STON1: variants seen among roughly 807,000 people sequenced by gnomAD.
STON1 encodes stonin-1.
Under a neutral mutation model 60.9 loss-of-function variants are expected in STON1, and 79 were observed. The observed-to-expected ratio is 1.30, with a 90% CI of 1.08 to 1.56. The LOEUF (loss-of-function observed/expected upper bound fraction) is 1.56, where lower values mean the gene tolerates loss of function less well. Among genes scored for constraint, STON1 ranks in the 40% most tolerant of loss-of-function variants. The probability of loss-of-function intolerance (pLI) is 0.00; values close to 1 mark genes in which losing one functional copy is unlikely to be tolerated. For missense variants in STON1, 1,166 were observed against 858.9 expected (o/e 1.36, Z -4.47); for synonymous variants, 363 against 306.9 (o/e 1.18, Z -1.91).
chr2:48,535,892 G>C (rs1230918605), intron 1 of STON1, among the ~76,000 whole-genome samples: 1 of 151,996 alleles, frequency 6.6e-6, no homozygotes, highest in Non-Finnish European at 1.5e-5. Context: ...TTTGAGAACA[G>C]CCTGGGCAAC....
rs74349170 is a variant in STON1 at position 48,595,944 on chromosome 2, C to A, written c.*642C>A. ...TTCAAAATGTGTTTGTTTTCTGGCG[C>A]GTGCTGCAAAGAAGCTATTTCTGTT... On this transcript the variant is annotated 3_prime_UTR_variant, in exon 4 of 4. Transcript: ENST00000404752. 6.6e-6 allele frequency: 1 copy of A among 152,256 alleles called. No individual in the cohort carries two copies. Among genetic ancestry groups the A allele is most frequent in the African/African-American group, 2.4e-5 (1 of 41,538 alleles). 9.4% of individuals were successfully genotyped at this position (152,256 alleles called of 1,614,324 possible). A position where few individuals can be genotyped will look rare whatever the true frequency, so the allele number is the denominator to read the frequency against.
intron 1 of STON1, among the ~76,000 whole-genome samples, chr2:48,552,267 A>C (rs1672137139): frequency 6.6e-6 from 1 of 152,236 alleles, no homozygotes; most frequent in Non-Finnish European, 1.5e-5. Context: ...ATACTGTATG[A>C]TTCCATTTAT....
At chr2:48,568,973 C>A (rs956108371) in intron 1 of STON1, 1 of 152,534 alleles carries the variant, frequency 6.6e-6, no homozygotes. Flanking sequence ...AAAGGCAGGA[C>A]CCCTGACACC....
chr2:48,551,902 T>C (rs1413242593), intron 1 of STON1, among the ~76,000 whole-genome samples: 1 of 152,224 alleles, frequency 6.6e-6, no homozygotes, highest in Non-Finnish European at 1.5e-5. Context: ...ACAAGTGATG[T>C]TGGGAGCTCC....
chr2:48,552,800 A>T (rs1444935458), intron 1 of STON1, among the ~76,000 whole-genome samples: 2 of 152,070 alleles, frequency 1.3e-5, no homozygotes, highest in Non-Finnish European at 2.9e-5. Context: ...AACTAAATAA[A>T]AGTGTACACT....
chr2:48,534,284 G>A (rs182506384), intron 1 of STON1, among the ~76,000 whole-genome samples: 79 of 151,910 alleles, frequency 5.2e-4, no homozygotes, highest in African/African-American at 1.9e-3. Context: ...TATTTTATTC[G>A]AAAACTCTTT....
chr2:48,533,345 A>C (rs192588918), intron 1 of STON1, among the ~76,000 whole-genome samples: 1,687 of 152,086 alleles, frequency 0.011, 34 homozygotes, highest in African/African-American at 0.039. Flanking sequence ...GCACCACTGC[A>C]CTTCAGCCTG....
At chr2:48,578,433 T>A (rs1202916892) in intron 1 of STON1, among the ~76,000 whole-genome samples, 1 of 152,182 alleles carries the variant, frequency 6.6e-6, no homozygotes, top group Admixed American at 6.5e-5. Context: ...TTTTTCTTTT[T>A]TTAACTCATC....
intron 1 of STON1, among the ~76,000 whole-genome samples, chr2:48,552,182 A>C (rs779500194): frequency 5.3e-5 from 8 of 152,282 alleles, no homozygotes; most frequent in Non-Finnish European, 1.0e-4. Context: ...GGAATGAAAT[A>C]TTGATGTAAG....
At chr2:48,569,664 A>G (rs960476547) in intron 1 of STON1, among the ~76,000 whole-genome samples, 1 of 152,246 alleles carries the variant, frequency 6.6e-6, no homozygotes, top group African/African-American at 2.4e-5. Flanking sequence ...TGATGGCTTG[A>G]AAGATTTTAT....
chr2:48,533,486 C>G (rs192649761), intron 1 of STON1, among the ~76,000 whole-genome samples: 1 of 151,648 alleles, frequency 6.6e-6, no homozygotes, highest in Admixed American at 6.6e-5. Context: ...GTCAGAAGTT[C>G]GATACCAGCC....
intron 1 of STON1, among the ~76,000 whole-genome samples, chr2:48,545,346 T>C (rs977621739): frequency 6.6e-6 from 1 of 152,188 alleles, no homozygotes; most frequent in Non-Finnish European, 1.5e-5. Flanking sequence ...GGTATTGGCC[T>C]CCTCTGCACC....
Position 48,582,695 on chromosome 2 carries a change from G to A in STON1, c.1930+132G>A, listed in dbSNP as rs1352392251. On this transcript the variant is annotated intron_variant, in intron 2 of 3. Coordinates refer to ENST00000404752, the MANE Select transcript of STON1 (RefSeq NM_006873.4). The stretch of plus-strand genomic sequence containing the variant: ...GAGGCTGTGCTTTGGGGTAGGAGAT[G>A]GAACATTTAGCTAAACAGCTGGTTT... 2.1e-6 allele frequency: 3 copies of A among 1,417,570 alleles called. No individual in the cohort carries two copies. In the African/African-American group the frequency reaches 4.3e-5, roughly 21 times the overall value. The allele number at this position is 1,417,570 out of a possible 1,614,324, so 87.8% of individuals were successfully genotyped here. A position where few individuals can be genotyped will look rare whatever the true frequency, so the allele number is the denominator to read the frequency against.
chr2:48,531,947 T>C (rs1006164525), intron 1 of STON1: 1 of 152,200 alleles, frequency 6.6e-6, no homozygotes, highest in South Asian at 2.1e-4. Flanking sequence ...GAGTTTATGT[T>C]AAAAAGGATG....
chr2:48,540,080 T>A (rs1296133169), intron 1 of STON1, among the ~76,000 whole-genome samples: 1 of 152,156 alleles, frequency 6.6e-6, no homozygotes, highest in Non-Finnish European at 1.5e-5. Context: ...ATGAGCCCCT[T>A]GGCCTCAGCT....
intron 1 of STON1, among the ~76,000 whole-genome samples, chr2:48,560,598 C>T (rs531565426): frequency 2.0e-5 from 3 of 152,272 alleles, no homozygotes; most frequent in Admixed American, 2.0e-4. Flanking sequence ...GTAGGAAGCC[C>T]AGGGGTCCTC....
chr2:48,543,270 C>G (rs757213435), intron 1 of STON1, among the ~76,000 whole-genome samples: 2 of 151,928 alleles, frequency 1.3e-5, no homozygotes, highest in Non-Finnish European at 2.9e-5. Context: ...CCATTGCACC[C>G]GGCCATATCT....
intron 1 of STON1, among the ~76,000 whole-genome samples, chr2:48,573,575 C>T (rs891324725): frequency 6.6e-6 from 1 of 152,150 alleles, no homozygotes; most frequent in African/African-American, 2.4e-5. Flanking sequence ...GTGTTGTGGT[C>T]CCTACACTTC....
At chr2:48,556,871 C>T (rs1211896445) in intron 1 of STON1, among the ~76,000 whole-genome samples, 1 of 28,304 alleles carries the variant, frequency 3.5e-5, no homozygotes, top group African/African-American at 1.8e-4. Context: ...CCCTCCCGGA[C>T]GGGGTGGCTG....
Sources: gnomAD v4.1 joint callset for allele counts (sites outside exome capture counted in the v4.1 genomes callset) on GRCh38, gnomAD v4.1.1 for gene constraint, MANE v1.5 for transcripts, NCBI Gene and HGNC (gene_info 2026-07-23, HGNC 2026-07-21) for gene names.